Variants in PCDH9 observed in about 807,000 individuals in gnomAD.
PCDH9 encodes protocadherin 9.
PCDH9 carries 24 observed loss-of-function variants against 70.6 expected under a neutral mutation model. The ratio of observed to expected loss-of-function variants is 0.34; its 90% CI spans 0.25 to 0.48. The LOEUF (loss-of-function observed/expected upper bound fraction) is 0.48, where lower values mean the gene tolerates loss of function less well. Ranked by LOEUF, PCDH9 falls within the 20% of genes least tolerant of loss-of-function variation. PCDH9 has a pLI of 0.99. For missense variants in PCDH9, 1,281 were observed against 1,503.6 expected, an observed-to-expected ratio of 0.85 and a Z score of 2.45; for synonymous variants, 562 against 558.5, an observed-to-expected ratio of 1.01 and a Z score of -0.09.
intron 2 of PCDH9, among the ~76,000 whole-genome samples, chr13:67,059,756 T>C (rs2085500024): frequency 6.6e-6 from 1 of 152,054 alleles, no homozygotes; most frequent in Non-Finnish European, 1.5e-5. Context: ...TAATTAACTT[T>C]TCAAAAAATT....
At chr13:66,755,395 G>A (rs143897227) in intron 3 of PCDH9, among the ~76,000 whole-genome samples, 1 of 152,146 alleles carries the variant, frequency 6.6e-6, no homozygotes, top group South Asian at 2.1e-4. Context: ...CATATCATAG[G>A]TGTCCAGCAC....
Position 66,403,370 on chromosome 13 carries a change from C to T in PCDH9, c.3341-98342G>A, listed in dbSNP as rs79766854. Reference sequence around the variant, plus strand: ...CCATGTTGCCCAGGCTGGTCTGGAACTCATGGGCTCAAGCAACCTGTCTGC... The same window carrying T: ...CCATGTTGCCCAGGCTGGTCTGGAATTCATGGGCTCAAGCAACCTGTCTGC... On this transcript the variant is annotated intron_variant, in intron 4 of 4. Transcript: ENST00000377865. Among the ~76,000 whole-genome samples, 47 of 151,934 alleles carry T rather than the reference C, an allele frequency of 3.1e-4. No individual in the cohort carries two copies. The East Asian group carries it at 9.1e-3, about 29-fold the overall frequency.
intron 3 of PCDH9, among the ~76,000 whole-genome samples, chr13:66,901,010 C>T (rs1025300583): frequency 7.9e-5 from 12 of 151,608 alleles, no homozygotes; most frequent in African/African-American, 2.9e-4. Context: ...ATAATTAACA[C>T]TAGATTAATA....
intron 2 of PCDH9, among the ~76,000 whole-genome samples, chr13:67,144,995 G>A (rs776152757): frequency 6.6e-6 from 1 of 152,022 alleles, no homozygotes; most frequent in Non-Finnish European, 1.5e-5. Flanking sequence ...TATTTTACAA[G>A]TACCTCTGTG....
chr13:66,873,410 C>T lies in PCDH9; in HGVS notation c.3138+30094G>A, dbSNP rs147289093. ...AGGGGAAGGAATAGTGAATGTCAAA[C>T]AATCCAATTTATTTTTAAACATGAG... On this transcript the variant is annotated intron_variant, in intron 3 of 4. Coordinates refer to ENST00000377865, the MANE Select transcript of PCDH9 (RefSeq NM_203487.3). 9.8e-3 allele frequency among the ~76,000 whole-genome samples: 1,499 copies of T among 152,188 alleles called. 21 individuals carry two copies. The highest frequency in any genetic ancestry group is 0.033 in the African/African-American group (1,372 of 41,514).
intron 3 of PCDH9, among the ~76,000 whole-genome samples, chr13:66,749,574 T>G (rs2079425783): frequency 6.6e-6 from 1 of 152,204 alleles, no homozygotes; most frequent in South Asian, 2.1e-4. Context: ...CAAAATTAGT[T>G]ATCTTAACTG....
intron 4 of PCDH9, among the ~76,000 whole-genome samples, chr13:66,607,868 A>T (rs1157034789): frequency 6.6e-6 from 1 of 152,118 alleles, no homozygotes; most frequent in Admixed American, 6.5e-5. Flanking sequence ...TTATGTGACT[A>T]CACATTTTAT....
chr13:66,319,538 A>G (rs1278510397), intron 4 of PCDH9, among the ~76,000 whole-genome samples: 1 of 151,880 alleles, frequency 6.6e-6, no homozygotes, highest in African/African-American at 2.4e-5. Context: ...TATTAATCGA[A>G]AAGAGTTTAA....
At chr13:66,479,019 C>G (rs1958786578) in intron 4 of PCDH9, among the ~76,000 whole-genome samples, 1 of 152,156 alleles carries the variant, frequency 6.6e-6, no homozygotes, top group African/African-American at 2.4e-5. Context: ...TAGGGGCTAA[C>G]ACAGCTAGTG....
chr13:66,883,579 C>A (rs2081957203), intron 3 of PCDH9, among the ~76,000 whole-genome samples: 1 of 152,064 alleles, frequency 6.6e-6, no homozygotes, highest in Non-Finnish European at 1.5e-5. Context: ...CTAAGCACAA[C>A]CATTTCTTTA....
intron 2 of PCDH9, among the ~76,000 whole-genome samples, chr13:66,983,866 C>T (rs777015167): frequency 3.3e-5 from 5 of 151,472 alleles, no homozygotes; most frequent in African/African-American, 4.9e-5. Context: ...CCTTCTCCCA[C>T]CCTCCACCCT....
intron 3 of PCDH9, among the ~76,000 whole-genome samples, chr13:66,853,294 T>C (rs2081344423): frequency 6.6e-6 from 1 of 151,856 alleles, no homozygotes; most frequent in Non-Finnish European, 1.5e-5. Context: ...CTAAAATGAC[T>C]AGGAATCTTT....
intron 3 of PCDH9, among the ~76,000 whole-genome samples, chr13:66,766,722 CTG>C (rs1423846393): frequency 2.0e-5 from 3 of 151,922 alleles, no homozygotes; most frequent in Non-Finnish European, 4.4e-5. Flanking sequence ...ATTCTAACTT[CTG>C]TGTGTTTGGA....
intron 2 of PCDH9, among the ~76,000 whole-genome samples, chr13:66,929,687 T>C (rs2082775502): frequency 6.6e-6 from 1 of 152,182 alleles, no homozygotes; most frequent in African/African-American, 2.4e-5. Context: ...AAAACACTCG[T>C]TCCTATGATA....
chr13:66,737,600 A>G (rs943525528), intron 3 of PCDH9, among the ~76,000 whole-genome samples: 1 of 152,156 alleles, frequency 6.6e-6, no homozygotes, highest in Non-Finnish European at 1.5e-5. Context: ...TCATCTCACT[A>G]GGGAGTGCCA....
At chr13:66,439,753 C>T (rs1010685785) in intron 4 of PCDH9, among the ~76,000 whole-genome samples, 1 of 152,134 alleles carries the variant, frequency 6.6e-6, no homozygotes, top group African/African-American at 2.4e-5. Context: ...ATAAATTACA[C>T]AAAATGTTGT....
chr13:67,161,340 C>G (rs1263884039), intron 2 of PCDH9, among the ~76,000 whole-genome samples: 1 of 152,184 alleles, frequency 6.6e-6, no homozygotes, highest in Non-Finnish European at 1.5e-5. Flanking sequence ...AATAAGAGTA[C>G]AGCCTCAGAA....
chr13:66,526,033 G>A (rs925651198), intron 4 of PCDH9, among the ~76,000 whole-genome samples: 1 of 152,032 alleles, frequency 6.6e-6, no homozygotes, highest in African/African-American at 2.4e-5. Flanking sequence ...CCAATAGAAG[G>A]AACCATGGCT....
intron 3 of PCDH9, among the ~76,000 whole-genome samples, chr13:66,709,052 T>G (rs1426622144): frequency 2.0e-5 from 3 of 152,204 alleles, no homozygotes; most frequent in Non-Finnish European, 4.4e-5. Flanking sequence ...TAAGATAGTC[T>G]TCAGGCTTTT....
Sources: gnomAD v4.1 joint callset for allele counts (sites outside exome capture counted in the v4.1 genomes callset) on GRCh38, gnomAD v4.1.1 for gene constraint, MANE v1.5 for transcripts, NCBI Gene and HGNC (gene_info 2026-07-23, HGNC 2026-07-21) for gene names.